Variants in COL5A2 observed in about 807,000 individuals in gnomAD.
COL5A2 encodes the protein collagen alpha-2(V) chain.
COL5A2 carries 23 observed loss-of-function variants against 208.2 expected under a neutral mutation model. The observed-to-expected ratio is 0.11, with a 90% CI of 0.08 to 0.16. The LOEUF (loss-of-function observed/expected upper bound fraction) is 0.16, where lower values mean the gene tolerates loss of function less well. Ranked by LOEUF, COL5A2 falls within the 10% of genes least tolerant of loss-of-function variation. COL5A2 has a pLI of 1.00. For synonymous variants in COL5A2, 625 were observed against 628.5 expected (o/e 0.99, Z 0.08); for missense variants, 1,590 against 1,956.4 (o/e 0.81, Z 3.53).
intron 40 of COL5A2, 88 bp from the exon 41 acceptor site, chr2:189,052,313 T>C (rs113277612): frequency 4.1e-6 from 5 of 1,228,616 alleles, no homozygotes; most frequent in Non-Finnish European, 6.0e-6. Flanking sequence ...ACAGGAAGAC[T>C]GAAGCCTTTA....
At chr2:189,070,391 G>A (rs1324607619) in intron 18 of COL5A2, among the ~76,000 whole-genome samples, 1 of 152,178 alleles carries the variant, frequency 6.6e-6, no homozygotes, top group Non-Finnish European at 1.5e-5. Context: ...AGAGAGCAGA[G>A]ACCATGGCAG....
At chr2:189,113,886 C>T (rs991755003) in intron 1 of COL5A2, among the ~76,000 whole-genome samples, 1 of 151,992 alleles carries the variant, frequency 6.6e-6, no homozygotes, top group East Asian at 1.9e-4. Context: ...AGTAGCTTAT[C>T]TTCTTCCTTG....
At chr2:189,179,387 C>T in intron 1 of COL5A2, 121 bp downstream of exon 1, 1 of 1,107,274 alleles carries the variant, frequency 9.0e-7, no homozygotes. Flanking sequence ...GCAAATCCGT[C>T]AGCCCCCTTC....
chr2:189,437,075 C>T, the COL5A2 span, among the ~76,000 whole-genome samples: 1 of 152,082 alleles, frequency 6.6e-6, no homozygotes, highest in Non-Finnish European at 1.5e-5. Context: ...GAAGCAGACA[C>T]CACTGTGTTC....
At position 189,072,222 on chromosome 2, in the gene COL5A2, A is replaced by C. The variant is rs1010626841; in HGVS notation, c.1105-129T>G. Reference sequence around the variant, plus strand: ...AACCTGCCTTTCACTTTAAAATTACAAAGATAATAGGCTAATTTCATTATA... The same window carrying C: ...AACCTGCCTTTCACTTTAAAATTACCAAGATAATAGGCTAATTTCATTATA... On this transcript the variant is annotated intron_variant, in intron 17 of 53. Coordinates refer to ENST00000374866, the MANE Select transcript of COL5A2 (RefSeq NM_000393.5). 1.3e-5 allele frequency: 9 copies of C among 675,528 alleles called. No individual in the cohort carries two copies. In the African/African-American group the frequency reaches 1.6e-4, roughly 12 times the overall value. The allele number at this position is 675,528 out of a possible 1,614,324, so 41.8% of individuals were successfully genotyped here. A position where few individuals can be genotyped will look rare whatever the true frequency, so the allele number is the denominator to read the frequency against.
At chr2:189,070,375 T>A (rs1461929550) in intron 18 of COL5A2, among the ~76,000 whole-genome samples, 1 of 152,152 alleles carries the variant, frequency 6.6e-6, no homozygotes, top group Non-Finnish European at 1.5e-5. Context: ...AATTTATTCT[T>A]TAGTCAGAGA....
At chr2:189,145,463 A>G (rs1251809388) in intron 1 of COL5A2, among the ~76,000 whole-genome samples, 4 of 152,158 alleles carry the variant, frequency 2.6e-5, no homozygotes, top group Non-Finnish European at 5.9e-5. Flanking sequence ...CACTTGCATA[A>G]CCCCAAATAT....
chr2:189,118,066 C>A (rs946462257), intron 1 of COL5A2, among the ~76,000 whole-genome samples: 1 of 151,964 alleles, frequency 6.6e-6, no homozygotes, highest in Non-Finnish European at 1.5e-5. Context: ...AGTAAGAGAT[C>A]TAGGCCATAT....
At chr2:189,174,507 C>T (rs1460220462) in intron 1 of COL5A2, among the ~76,000 whole-genome samples, 5 of 151,626 alleles carry the variant, frequency 3.3e-5, no homozygotes, top group Non-Finnish European at 5.9e-5. Flanking sequence ...TGTGTAGCCT[C>T]GGAACATAAA....
At chr2:189,251,346 C>A in the COL5A2 span, among the ~76,000 whole-genome samples, 2 of 152,168 alleles carry the variant, frequency 1.3e-5, no homozygotes, top group East Asian at 3.9e-4. Context: ...AGAATTCATT[C>A]ATTCAGCAAA....
intron 40 of COL5A2, 43 bp downstream of exon 40, chr2:189,052,706 A>G (rs1360650991): frequency 6.3e-7 from 1 of 1,587,164 alleles, no homozygotes; most frequent in South Asian, 1.1e-5. Flanking sequence ...CTAGGTAACT[A>G]GAATTAGCTG....
At chr2:189,323,165 G>T in the COL5A2 span, among the ~76,000 whole-genome samples, 3 of 152,116 alleles carry the variant, frequency 2.0e-5, no homozygotes, top group Non-Finnish European at 2.9e-5. Context: ...CTGATGGGAC[G>T]TATCTCAAAA....
At chr2:189,063,331 C>T (rs1360088184) in intron 26 of COL5A2, 61 bp from the exon 27 acceptor site, 1 of 1,326,470 alleles carries the variant, frequency 7.5e-7, no homozygotes, top group Non-Finnish European at 1.1e-6. Context: ...ATAGCATCAC[C>T]CAAAGTGTCA....
At chr2:189,435,345 G>T in the COL5A2 span, among the ~76,000 whole-genome samples, 3 of 152,146 alleles carry the variant, frequency 2.0e-5, no homozygotes, top group South Asian at 4.1e-4. Flanking sequence ...TTAAACTAAA[G>T]AGCTTCTGCA....
the COL5A2 span, among the ~76,000 whole-genome samples, chr2:189,392,234 A>G: frequency 1.3e-5 from 2 of 152,128 alleles, no homozygotes; most frequent in Non-Finnish European, 1.5e-5. Flanking sequence ...ATAACTGCCA[A>G]TGCAATCCCT....
At chr2:189,288,670 TA>T in the COL5A2 span, among the ~76,000 whole-genome samples, 1 of 151,874 alleles carries the variant, frequency 6.6e-6, no homozygotes, top group African/African-American at 2.4e-5. Flanking sequence ...TCAATTTCTC[TA>T]AAAAAAACTG....
chr2:189,308,572 AC>A, the COL5A2 span, among the ~76,000 whole-genome samples: 1 of 152,106 alleles, frequency 6.6e-6, no homozygotes, highest in East Asian at 1.9e-4. Context: ...AGAGTCTGGC[AC>A]CTTTTTAGGT....
At chr2:189,127,686 G>A (rs962606411) in intron 1 of COL5A2, among the ~76,000 whole-genome samples, 2 of 151,926 alleles carry the variant, frequency 1.3e-5, no homozygotes, top group African/African-American at 4.8e-5. Flanking sequence ...AAATAAGTAT[G>A]TGTTATTTAG....
At chr2:189,070,875 T>C (rs115638064) in intron 18 of COL5A2, among the ~76,000 whole-genome samples, 1,736 of 152,100 alleles carry the variant, frequency 0.011, 11 homozygotes, top group Admixed American at 0.025. Context: ...CCCACTTGAG[T>C]TCACATTGAG....
Sources: allele counts gnomAD v4.1 joint callset (sites outside exome capture counted in the v4.1 genomes callset), GRCh38; gene constraint gnomAD v4.1.1; transcripts MANE v1.5; gene names NCBI Gene and HGNC (gene_info 2026-07-23, HGNC 2026-07-21).